Variants in SHARPIN observed in about 807,000 individuals in gnomAD.
SHARPIN encodes hSIPL1.
A neutral mutation model predicts 40.3 loss-of-function variants in SHARPIN; 25 were observed. The ratio of observed to expected loss-of-function variants is 0.62; its 90% CI spans 0.45 to 0.87. The LOEUF is 0.87. Among genes scored for constraint, SHARPIN ranks in the 40% least tolerant of loss-of-function variants. The pLI, the probability that SHARPIN is intolerant of heterozygous loss-of-function variation, is 0.00. For synonymous variants in SHARPIN, 274 were observed against 221.8 expected, an observed-to-expected ratio of 1.24 and a Z score of -2.09; for missense variants, 551 against 516.1, an observed-to-expected ratio of 1.07 and a Z score of -0.66.
Position 144,099,333 on chromosome 8 carries a change from C to G in SHARPIN, c.866G>C (p.Arg289Pro). 6.2e-7 allele frequency: 1 copy of G among 1,614,118 alleles called. No homozygotes were observed. The highest frequency in any genetic ancestry group is 1.3e-5 in the African/African-American group (1 of 75,034). Residue 289 changes from arginine to proline, a missense_variant, in exon 6 of 9, where the codon CGG becomes CCG. By Grantham distance (103) the Arg-to-Pro change is moderately radical. Transcript: ENST00000398712. ...PERSLASYGV[R>P]QDGDPAFLYL... is the part of the protein sequence containing the mutation. The stretch of plus-strand genomic sequence containing the variant: ...GAGGAAAGCAGGGTCCCCATCCTGC[C>G]GAACCCCGTAAGAGGCAAGGCTGCG...
chr8:144,101,830 G>C (rs964642802), intron 2 of SHARPIN, among the ~76,000 whole-genome samples: 2 of 152,108 alleles, frequency 1.3e-5, no homozygotes, highest in African/African-American at 4.8e-5. Context: ...GGGAGGTTTT[G>C]TTCATGCCAA....
intron 3 of SHARPIN, 36 bp downstream of exon 3, chr8:144,099,893 T>TGGCCCCACCCCCCCCCCCCCCC: frequency 6.4e-7 from 1 of 1,550,954 alleles, no homozygotes; most frequent in Non-Finnish European, 8.8e-7. Flanking sequence ...CTATCTGCTA[T>TGGCCCCACCCCCCCCCCCCCCC]CCCCGAACCC....
intron 3 of SHARPIN, 36 bp downstream of exon 3, chr8:144,099,893 T>TGCCCCCCACCCCCCCCCCCCCC: frequency 6.4e-7 from 1 of 1,550,966 alleles, no homozygotes; most frequent in East Asian, 2.3e-5. Flanking sequence ...CTATCTGCTA[T>TGCCCCCCACCCCCCCCCCCCCC]CCCCGAACCC....
chr8:144,101,575 A>ATTTTTTTTTTTTTT (rs58173496), intron 2 of SHARPIN, among the ~76,000 whole-genome samples: 1 of 87,530 alleles, frequency 1.1e-5, no homozygotes. Flanking sequence ...CACCCAGCTA[A>ATTTTTTTTTTTTTT]TTTTTTTTTT....
At chr8:144,100,297 T>TA (rs1159237241) in intron 2 of SHARPIN, among the ~76,000 whole-genome samples, 1 of 152,242 alleles carries the variant, frequency 6.6e-6, no homozygotes, top group African/African-American at 2.4e-5. Context: ...ATTTGGGAAT[T>TA]AGAGCCTTTT....
At chr8:144,102,962 A>C (rs1836318125) in intron 2 of SHARPIN, 89 bp downstream of exon 2, 7 of 1,498,922 alleles carry the variant, frequency 4.7e-6, no homozygotes, top group Middle Eastern at 1.9e-4. Context: ...GACATCCAGC[A>C]GTGGGGAAGG....
chr8:144,101,803 T>C (rs1328138237), intron 2 of SHARPIN, among the ~76,000 whole-genome samples: 2 of 152,030 alleles, frequency 1.3e-5, no homozygotes, highest in Non-Finnish European at 2.9e-5. Context: ...AAATGCAAGC[T>C]CCAATAGGAT....
In SHARPIN at chr8:144,099,714, A is replaced by T. The variant is rs1350692322; in HGVS notation, c.648T>A (p.Pro216=). 6.2e-7 allele frequency: 1 copy of T among 1,613,590 alleles called. No individual in the cohort carries two copies. The highest frequency in any genetic ancestry group is 1.3e-5 in the African/African-American group (1 of 75,030). The change falls in exon 4 of 9, where the codon CCT becomes CCA. Residue 216 remains proline (P), a synonymous_variant. Coordinates refer to ENST00000398712, the MANE Select transcript of SHARPIN (RefSeq NM_030974.4). ...GCCCCAGGCCTCACCTGATGGGGCC[A>T]GGTGGGAAGCAGGCCTCCTGAAGCT... ...SVQLQEACFP[P]GPIRLQVTLE...
chr8:144,103,609 C>A lies in SHARPIN; in HGVS notation c.145G>T (p.Asp49Tyr), dbSNP rs1428652617. 2.0e-6 allele frequency: 3 copies of A among 1,530,182 alleles called. No homozygotes were observed. Among genetic ancestry groups the A allele is most frequent in the Non-Finnish European group, 1.7e-6 (2 of 1,144,794 alleles). 94.8% of individuals were successfully genotyped at this position (1,530,182 alleles called of 1,614,324 possible). The change falls in exon 1 of 9, where the codon GAC becomes TAC. Residue 49 changes from aspartate to tyrosine, a missense_variant. Coordinates refer to ENST00000398712, the MANE Select transcript of SHARPIN (RefSeq NM_030974.4). ...AQLRRLQLSADPERPGRFRLE... is the reference protein window; with the variant it reads ...AQLRRLQLSAYPERPGRFRLE... The stretch of plus-strand genomic sequence containing the variant: ...CGGAAGCGCCCAGGCCGCTCAGGGT[C>A]CGCGCTCAGCTGCAGCCTCCGCAGC...
intron 2 of SHARPIN, 52 bp downstream of exon 2, chr8:144,102,999 G>A (rs140326885): frequency 1.2e-5 from 19 of 1,606,168 alleles, no homozygotes; most frequent in Admixed American, 1.7e-5. Flanking sequence ...AACCAGGACT[G>A]GGGGGCCAAG....
In SHARPIN at chr8:144,103,719, GCCGCCGCCGCCGCCCCGC is replaced by G; in HGVS notation, c.17_34del (p.Gly6_Ala11del). 17 of 1,391,860 alleles carry G rather than the reference GCCGCCGCCGCCGCCCCGC, an allele frequency of 1.2e-5. No homozygotes were observed. Among genetic ancestry groups the G allele is most frequent in the Non-Finnish European group, 1.6e-5 (17 of 1,075,822 alleles). The allele number at this position is 1,391,860 out of a possible 1,614,324, so 86.2% of individuals were successfully genotyped here. A position where few individuals can be genotyped will look rare whatever the true frequency, so the allele number is the denominator to read the frequency against. Reference sequence around the variant, plus strand: ...CACTGCGGCGGAGCCCAAGTCCGAGGCCGCCGCCGCCGCCCCGCCCGCTGGCGGCGCCATCTCCGGTCC... The same window carrying G: ...CACTGCGGCGGAGCCCAAGTCCGAGGCCGCTGGCGGCGCCATCTCCGGTCC... On this transcript the variant is annotated inframe_deletion, in exon 1 of 9. Coordinates refer to ENST00000398712, the MANE Select transcript of SHARPIN (RefSeq NM_030974.4).
intron 2 of SHARPIN, among the ~76,000 whole-genome samples, chr8:144,101,640 T>C (rs906310415): frequency 6.7e-6 from 1 of 148,152 alleles, no homozygotes; most frequent in African/African-American, 2.5e-5. Context: ...ATGGTCTCGA[T>C]CTCTTAACCT....
At chr8:144,101,403 ATTTTTTTTTT>A (rs34270727) in intron 2 of SHARPIN, among the ~76,000 whole-genome samples, 1 of 92,424 alleles carries the variant, frequency 1.1e-5, no homozygotes, top group Admixed American at 1.5e-4. Context: ...CACTCAGCTA[ATTTTTTTTTT>A]TTTTTTTTTT....
Position 144,103,635 on chromosome 8 carries a change from T to C in SHARPIN, c.119A>G (p.Gln40Arg). 1 of 1,526,200 alleles carries C rather than the reference T, an allele frequency of 6.6e-7. No homozygotes were observed. The highest frequency in any genetic ancestry group is 8.7e-7 in the Non-Finnish European group (1 of 1,143,202). The allele number at this position is 1,526,200 out of a possible 1,614,324, so 94.5% of individuals were successfully genotyped here. ...PLGAGPDAEA[Q>R]LRRLQLSADP... ...CGCGCTCAGCTGCAGCCTCCGCAGC[T>C]GTGCCTCGGCGTCTGGCCCGGCGCC... Residue 40 changes from glutamine (Q) to arginine (R), a missense_variant, in exon 1 of 9, where the codon CAG becomes CGG. Transcript: ENST00000398712.
At chr8:144,099,251 A>G (rs1836233445) in intron 6 of SHARPIN, 26 bp downstream of exon 6, 2 of 1,613,632 alleles carry the variant, frequency 1.2e-6, no homozygotes, top group Non-Finnish European at 1.7e-6. Context: ...CCCACCTCCC[A>G]CACCCCACCC....
At chr8:144,102,996 A>AC (rs1836318657) in intron 2 of SHARPIN, 55 bp downstream of exon 2, 1 of 1,604,058 alleles carries the variant, frequency 6.2e-7, no homozygotes, top group South Asian at 1.1e-5. Flanking sequence ...CCCAACCAGG[A>AC]CTGGGGGGCC....
At chr8:144,102,275 CTTTT>C (rs11433813) in intron 2 of SHARPIN, among the ~76,000 whole-genome samples, 1 of 136,688 alleles carries the variant, frequency 7.3e-6, no homozygotes, top group African/African-American at 2.7e-5. Context: ...ATTCCATCTT[CTTTT>C]TTTTTTTTTT....
chr8:144,102,148 G>A (rs1276662735), intron 2 of SHARPIN, among the ~76,000 whole-genome samples: 5 of 152,124 alleles, frequency 3.3e-5, no homozygotes, highest in Non-Finnish European at 2.9e-5. Flanking sequence ...GAGGATCACC[G>A]TAGACCAGGA....
At position 144,099,982 on chromosome 8, in the gene SHARPIN, C is replaced by T. The variant is rs1836256671; in HGVS notation, c.464G>A (p.Gly155Asp). ...AGGAAGATCTGCCTCAGGTGGAGGGCCCTTGAGTGTGGAGGCTTCCGGGGG... is the reference window on the plus strand; with the variant it reads ...AGGAAGATCTGCCTCAGGTGGAGGGTCCTTGAGTGTGGAGGCTTCCGGGGG... ...PSPPEASTLK[G>D]PPPEADLPRS... Residue 155 changes from glycine (G) to aspartate (D), a missense_variant, in exon 3 of 9, where the codon GGC (glycine) becomes GAC (aspartate). Gly to Asp is a moderately conservative substitution (Grantham distance 94, BLOSUM62 -1). Coordinates refer to ENST00000398712, the MANE Select transcript of SHARPIN (RefSeq NM_030974.4). 6.4e-7 allele frequency: 1 copy of T among 1,567,574 alleles called. No individual in the cohort carries two copies. The highest frequency in any genetic ancestry group is 1.1e-5 in the South Asian group (1 of 89,962).
Sources: allele counts gnomAD v4.1 joint callset (sites outside exome capture counted in the v4.1 genomes callset), GRCh38; gene constraint gnomAD v4.1.1; transcripts MANE v1.5; gene names NCBI Gene and HGNC (gene_info 2026-07-23, HGNC 2026-07-21).